Variants in CFAP157 observed in about 807,000 individuals in gnomAD.
The protein encoded by CFAP157 is cilia- and flagella-associated protein 157.
In CFAP157, 43 loss-of-function variants were observed where a neutral mutation model predicts 57.8. The ratio of observed to expected loss-of-function variants is 0.74; its 90% CI spans 0.58 to 0.96. The LOEUF is 0.96. Ranked by LOEUF, CFAP157 falls within the 40% of genes least tolerant of loss-of-function variation. The probability of loss-of-function intolerance (pLI) is 0.00; values close to 1 mark genes in which losing one functional copy is unlikely to be tolerated. For synonymous variants in CFAP157, 267 were observed against 269.0 expected (o/e 0.99, Z 0.07); for missense variants, 606 against 655.3 (o/e 0.92, Z 0.82).
intron 8 of CFAP157, 125 bp downstream of exon 8, chr9:127,713,331 C>A (rs1842812890): frequency 1.1e-5 from 8 of 740,794 alleles, no homozygotes; most frequent in Admixed American, 3.5e-5. Flanking sequence ...GCCTTCCCAT[C>A]TGTAAAATGG....
chr9:127,714,961 C>G lies in CFAP157; in HGVS notation c.*1056C>G. On this transcript the variant is annotated 3_prime_UTR_variant, in exon 9 of 9. Coordinates refer to ENST00000373295, the MANE Select transcript of CFAP157 (RefSeq NM_001012502.3). ...CCTTGGCCCGCCCGCCCACCCCTGG[C>G]GCTCTCAACTCACCAGCCCGGGCCA... 2 of 1,310,808 alleles carry G rather than the reference C, an allele frequency of 1.5e-6. No homozygotes were observed. Among genetic ancestry groups the G allele is most frequent in the Non-Finnish European group, 1.0e-6 (1 of 988,038 alleles). 81.2% of individuals were successfully genotyped at this position (1,310,808 alleles called of 1,614,324 possible).
At chr9:127,711,124 G>A (rs1261574509) in intron 3 of CFAP157, 105 bp from the exon 4 acceptor site, 1 of 1,392,830 alleles carries the variant, frequency 7.2e-7, no homozygotes, top group East Asian at 2.5e-5. Context: ...GAGAGAGCAT[G>A]CTGGTGTTTA....
At chr9:127,711,166 G>C in intron 3 of CFAP157, 63 bp from the exon 4 acceptor site, 1 of 1,568,836 alleles carries the variant, frequency 6.4e-7, no homozygotes, top group Non-Finnish European at 8.7e-7. Context: ...ACCTCACAAA[G>C]GGGTGTGCCC....
At position 127,714,919 on chromosome 9, in the gene CFAP157, C is replaced by A; in HGVS notation, c.*1014C>A. 1.3e-6 allele frequency: 1 copy of A among 760,894 alleles called. No individual in the cohort carries two copies. Among genetic ancestry groups the A allele is most frequent in the Non-Finnish European group, 2.1e-6 (1 of 481,160 alleles). 47.1% of individuals were successfully genotyped at this position (760,894 alleles called of 1,614,324 possible). A position where few individuals can be genotyped will look rare whatever the true frequency, so the allele number is the denominator to read the frequency against. ...AGCCAGTGCTCCCCTCTGGCCCCCGCGCCCCAACCCCCACCCCCTTGGCCC... is the reference window on the plus strand; with the variant it reads ...AGCCAGTGCTCCCCTCTGGCCCCCGAGCCCCAACCCCCACCCCCTTGGCCC... On this transcript the variant is annotated 3_prime_UTR_variant, in exon 9 of 9. Transcript: ENST00000373295.
chr9:127,714,055 G>A lies in CFAP157; in HGVS notation c.*150G>A. 1 of 1,600,508 alleles carries A rather than the reference G, an allele frequency of 6.2e-7. No individual in the cohort carries two copies. Among genetic ancestry groups the A allele is most frequent in the Non-Finnish European group, 8.5e-7 (1 of 1,171,446 alleles). On this transcript the variant is annotated 3_prime_UTR_variant, in exon 9 of 9. Coordinates refer to ENST00000373295, the MANE Select transcript of CFAP157 (RefSeq NM_001012502.3). The stretch of plus-strand genomic sequence containing the variant: ...CGTGGCAGCTCTGTGGCAGTGGCTG[G>A]GTTGGTGGGCACTACAGTCAGGCAG...
rs1564371929 is a variant in CFAP157 at position 127,715,605 on chromosome 9, C to T, written c.*1700C>T. 1.2e-6 allele frequency: 2 copies of T among 1,613,070 alleles called. No homozygotes were observed. Among genetic ancestry groups the T allele is most frequent in the African/African-American group, 1.3e-5 (1 of 75,072 alleles). ...ACATCGGCTCATGGCTCTACTCAGC[C>T]GCTGTCCGGCGCCCAAAAAGCCGCC... On this transcript the variant is annotated 3_prime_UTR_variant, in exon 9 of 9. Coordinates refer to ENST00000373295, the MANE Select transcript of CFAP157 (RefSeq NM_001012502.3). The surrounding 1 kb of genome is among the most constrained non-coding windows in gnomAD (Gnocchi z 5.8).
rs544397387 is a variant in CFAP157, at chr9:127,711,337, C to T, written c.696C>T (p.Asn232=). 2.4e-5 allele frequency: 39 copies of T among 1,614,198 alleles called. No individual in the cohort carries two copies. Among genetic ancestry groups the T allele is most frequent in the Middle Eastern group, 3.3e-4 (2 of 6,062 alleles). ...CCAAGCGGGCCATCAAAGAGAACAA[C>T]GGCATTACCCTGCAGATGGCCAGGG... is the stretch of plus-strand genomic sequence containing the variant. The part of the protein sequence containing the change: ...ETTKRAIKEN[N]GITLQMARVS... The change falls in exon 4 of 9, where the codon AAC becomes AAT. Residue 232 remains asparagine (N), a synonymous_variant. Coordinates refer to ENST00000373295, the MANE Select transcript of CFAP157 (RefSeq NM_001012502.3).
intron 3 of CFAP157, 34 bp from the exon 4 acceptor site, chr9:127,711,195 G>A (rs771099725): frequency 3.7e-6 from 6 of 1,606,344 alleles, no homozygotes; most frequent in South Asian, 1.1e-5. Context: ...TGCCCGCTCT[G>A]TCTGACCCCT....
chr9:127,714,266 C>A lies in CFAP157; in HGVS notation c.*361C>A. On this transcript the variant is annotated 3_prime_UTR_variant, in exon 9 of 9. Coordinates refer to ENST00000373295, the MANE Select transcript of CFAP157 (RefSeq NM_001012502.3). ...GTGCGCCGGGCGCCCGATACCCACC[C>A]GCAGCCTTGGCATTGCCTGTGGGAG... 6.2e-7 allele frequency: 1 copy of A among 1,613,936 alleles called. No homozygotes were observed. Among genetic ancestry groups the A allele is most frequent in the South Asian group, 1.1e-5 (1 of 91,080 alleles).
chr9:127,715,655 T>A lies in CFAP157; in HGVS notation c.*1750T>A, dbSNP rs375464294. On this transcript the variant is annotated 3_prime_UTR_variant, in exon 9 of 9. Transcript: ENST00000373295. The surrounding 1 kb of genome is among the most constrained non-coding windows in gnomAD (Gnocchi z 5.8). ...CCGGCCTCATGCTGCCCCCATTCAC[T>A]CCGACACCGCCCCCTGACGTCATCA... 33 of 1,608,032 alleles carry A rather than the reference T, an allele frequency of 2.1e-5. No individual in the cohort carries two copies. Among genetic ancestry groups the A allele is most frequent in the Non-Finnish European group, 2.5e-5 (30 of 1,178,892 alleles).
chr9:127,707,228 G>C, intron 1 of CFAP157, 36 bp downstream of exon 1: 1 of 1,598,480 alleles, frequency 6.3e-7, no homozygotes, highest in Non-Finnish European at 8.5e-7. Flanking sequence ...TGGTGCCCTG[G>C]GTCAGAAGCC....
At position 127,709,690 on chromosome 9, in the gene CFAP157, C is replaced by A; in HGVS notation, c.430C>A (p.Leu144Ile). ...CCAGCTCACCACGGAGAACATCATC[C>A]TTGGTGAGGAGGGGACTGGCTGGTG... ...KDQLTTENII[L>I]GGKLAALEEF... Residue 144 changes from leucine to isoleucine, a missense_variant, in exon 2 of 9, where the codon CTT becomes ATT. Leu to Ile is a conservative substitution (Grantham distance 5, BLOSUM62 2). Coordinates refer to ENST00000373295, the MANE Select transcript of CFAP157 (RefSeq NM_001012502.3). The surrounding 1 kb of genome is among the most constrained non-coding windows in gnomAD (Gnocchi z 4.7). 1 of 1,612,572 alleles carries A rather than the reference C, an allele frequency of 6.2e-7. No homozygotes were observed. Among genetic ancestry groups the A allele is most frequent in the Non-Finnish European group, 8.5e-7 (1 of 1,179,264 alleles).
rs751860933 is a variant in CFAP157, at chr9:127,712,360, G to C, written c.1137+11G>C. 4.4e-5 allele frequency: 71 copies of C among 1,613,238 alleles called. No homozygotes were observed. The East Asian group carries it at 1.6e-3, about 36-fold the overall frequency. On this transcript the variant is annotated intron_variant, in intron 6 of 8. Coordinates refer to ENST00000373295, the MANE Select transcript of CFAP157 (RefSeq NM_001012502.3). ...CAGAACATTCTGCAGGTGAGCAGAA[G>C]GGAGAGAGGGAGGGCGCAAGGGGAG... is the stretch of plus-strand genomic sequence containing the variant.
At chr9:127,713,738 G>T (rs998827858) in intron 8 of CFAP157, 96 bp from the exon 9 acceptor site, 2 of 1,014,130 alleles carry the variant, frequency 2.0e-6, no homozygotes, top group South Asian at 2.6e-5. Context: ...AACTCCTGAC[G>T]TCAAGCAATC....
Position 127,715,467 on chromosome 9 carries a change from A to T in CFAP157, c.*1562A>T, listed in dbSNP as rs1188090192. 6.3e-7 allele frequency: 1 copy of T among 1,591,878 alleles called. No individual in the cohort carries two copies. Among genetic ancestry groups the T allele is most frequent in the South Asian group, 1.1e-5 (1 of 89,774 alleles). On this transcript the variant is annotated 3_prime_UTR_variant, in exon 9 of 9. Transcript: ENST00000373295. The surrounding 1 kb of genome is among the most constrained non-coding windows in gnomAD (Gnocchi z 5.8). ...GAAAACAGAGCAGCAATTTGGGGGCACTCGGCTCCCGGGACATAATGGCCG... is the reference window on the plus strand; with the variant it reads ...GAAAACAGAGCAGCAATTTGGGGGCTCTCGGCTCCCGGGACATAATGGCCG...
rs1842964223 is a variant in CFAP157 at position 127,715,769 on chromosome 9, A to G, written c.*1864A>G. ...GGGCTACGTGGCCGCCATGCTTCTG[A>G]GGGGCGGAAGCGGCGAGGCGGTGGC... On this transcript the variant is annotated 3_prime_UTR_variant, in exon 9 of 9. Coordinates refer to ENST00000373295, the MANE Select transcript of CFAP157 (RefSeq NM_001012502.3). The surrounding 1 kb of genome is among the most constrained non-coding windows in gnomAD (Gnocchi z 5.8). 11 of 1,502,458 alleles carry G rather than the reference A, an allele frequency of 7.3e-6. No individual in the cohort carries two copies. Among genetic ancestry groups the G allele is most frequent in the Non-Finnish European group, 9.7e-6 (11 of 1,130,710 alleles). The allele number at this position is 1,502,458 out of a possible 1,614,324, so 93.1% of individuals were successfully genotyped here.
In CFAP157 at chr9:127,715,516, C is replaced by T; in HGVS notation, c.*1611C>T. On this transcript the variant is annotated 3_prime_UTR_variant, in exon 9 of 9. Transcript: ENST00000373295. This position sits in a 1 kb window ranked among gnomAD's most constrained non-coding sequence, Gnocchi z 5.8. ...CGAACTGAAGCTAGGGACCGGGAGC[C>T]CCTACGTCGCCGCCCCACGCCACTC... 1 of 1,613,060 alleles carries T rather than the reference C, an allele frequency of 6.2e-7. No homozygotes were observed. The highest frequency in any genetic ancestry group is 8.5e-7 in the Non-Finnish European group (1 of 1,179,934).
In CFAP157 at chr9:127,715,544, C is replaced by T; in HGVS notation, c.*1639C>T. The T allele has an allele frequency of 6.2e-7, 1 of 1,613,518 alleles. No individual in the cohort carries two copies. The highest frequency in any genetic ancestry group is 8.5e-7 in the Non-Finnish European group (1 of 1,180,046). On this transcript the variant is annotated 3_prime_UTR_variant, in exon 9 of 9. Coordinates refer to ENST00000373295, the MANE Select transcript of CFAP157 (RefSeq NM_001012502.3). This position sits in a 1 kb window ranked among gnomAD's most constrained non-coding sequence, Gnocchi z 5.8. Reference sequence around the variant, plus strand: ...TACGTCGCCGCCCCACGCCACTCACCATCCACCGCTTCCCCGGGGGGCGAG... The same window carrying T: ...TACGTCGCCGCCCCACGCCACTCACTATCCACCGCTTCCCCGGGGGGCGAG...
chr9:127,710,968 T>G (rs1842752895), intron 3 of CFAP157, among the ~76,000 whole-genome samples: 1 of 152,164 alleles, frequency 6.6e-6, no homozygotes, highest in Non-Finnish European at 1.5e-5. Context: ...ACGCTGGCAT[T>G]GGAGACTCCC....
Sources: gnomAD v4.1 joint callset for allele counts (sites outside exome capture counted in the v4.1 genomes callset) on GRCh38, gnomAD v4.1.1 for gene constraint, Gnocchi (gnomAD v3.1) non-coding constraint, MANE v1.5 for transcripts, NCBI Gene and HGNC (gene_info 2026-07-23, HGNC 2026-07-21) for gene names.